TSPEAR: variants seen among roughly 807,000 people sequenced by gnomAD.
TSPEAR encodes the protein thrombospondin type laminin G domain and EAR repeats, also known as thrombospondin-type laminin G domain and EAR repeat-containing protein.
A neutral mutation model predicts 71.6 loss-of-function variants in TSPEAR; 69 were observed. The observed-to-expected ratio is 0.96, with a 90% confidence interval of 0.79 to 1.18. The LOEUF (loss-of-function observed/expected upper bound fraction) is 1.18. Ranked by LOEUF, TSPEAR falls within the 50% of genes most tolerant of loss-of-function variation. TSPEAR has a pLI of 0.00. For synonymous variants in TSPEAR, 402 were observed against 387.2 expected (o/e 1.04, Z -0.45); for missense variants, 971 against 894.9 (o/e 1.09, Z -1.09).
At position 44,513,375 on chromosome 21, in the gene TSPEAR, A is replaced by C. The variant is rs781988745; in HGVS notation, c.1567-3989T>G. Among the ~76,000 whole-genome samples, 6 of 152,214 alleles carry C rather than the reference A, an allele frequency of 3.9e-5. No homozygotes were observed. The East Asian group carries it at 7.7e-4, about 20-fold the overall frequency. On this transcript the variant is annotated intron_variant, in intron 9 of 11. Transcript: ENST00000323084. ...GTGTGCAGTGTGGGACCCCCCTGTCAGGCCACTCCCAGATTTTAAGCACAT... is the reference window on the plus strand; with the variant it reads ...GTGTGCAGTGTGGGACCCCCCTGTCCGGCCACTCCCAGATTTTAAGCACAT...
intron 1 of TSPEAR, among the ~76,000 whole-genome samples, chr21:44,656,037 G>A (rs1555942516): frequency 2.6e-5 from 4 of 152,124 alleles, no homozygotes; most frequent in Non-Finnish European, 4.4e-5. Context: ...TGGCCATGTG[G>A]GAGTCACCTT....
In TSPEAR at chr21:44,711,217, G is replaced by A. The variant is rs1213177827; in HGVS notation, c.82+216C>T. 5.3e-5 allele frequency among the ~76,000 whole-genome samples: 8 copies of A among 151,732 alleles called. No individual in the cohort carries two copies. Among genetic ancestry groups the A allele is most frequent in the South Asian group, 2.1e-4 (1 of 4,804 alleles). The stretch of plus-strand genomic sequence containing the variant: ...CCCTGCGTGCGTTCTAAAGAGCCGC[G>A]TTTCTATTGCAACTGCCTGCCCTGC... On this transcript the variant is annotated intron_variant, in intron 1 of 11. Coordinates refer to ENST00000323084, the MANE Select transcript of TSPEAR (RefSeq NM_144991.3). This position sits in a 1 kb window ranked among gnomAD's most constrained non-coding sequence, Gnocchi z 4.5.
chr21:44,524,912 TAGTC>T (rs587680245), intron 8 of TSPEAR, among the ~76,000 whole-genome samples: 123 of 151,170 alleles, frequency 8.1e-4, no homozygotes, highest in African/African-American at 2.9e-3. Flanking sequence ...GTCAGTCAGA[TAGTC>T]AGGTAGTTAG....
chr21:44,548,627 A>T (rs1357312718), intron 2 of TSPEAR, among the ~76,000 whole-genome samples: 1 of 152,168 alleles, frequency 6.6e-6, no homozygotes, highest in Non-Finnish European at 1.5e-5. Context: ...GACTCCTAGA[A>T]ATACAACTGC....
chr21:44,551,109 G>C, intron 2 of TSPEAR: 1 of 1,546,030 alleles, frequency 6.5e-7, no homozygotes, highest in Non-Finnish European at 8.9e-7. Context: ...GCATGAAGAA[G>C]CCCCACAGCA....
intron 1 of TSPEAR, chr21:44,579,837 GGTA>G: frequency 6.2e-7 from 1 of 1,610,074 alleles, no homozygotes; most frequent in East Asian, 2.3e-5. Context: ...CAGCTGGCCT[GGTA>G]GGAGGAGGCA....
At position 44,710,633 on chromosome 21, in the gene TSPEAR, G is replaced by A. The variant is rs73234886; in HGVS notation, c.82+800C>T. 0.086 allele frequency among the ~76,000 whole-genome samples: 13,043 copies of A among 152,262 alleles called. 835 individuals are homozygous for A. Among genetic ancestry groups the A allele is most frequent in the East Asian group, 0.27 (1,379 of 5,176 alleles). On this transcript the variant is annotated intron_variant, in intron 1 of 11. Transcript: ENST00000323084. The surrounding 1 kb of genome is among the most constrained non-coding windows in gnomAD (Gnocchi z 4.6). Reference sequence around the variant, plus strand: ...CATCTCCTCGCCTCCCCTGATAGCCGTGCTGCGGAGCCTGAGTGCTGGAGT... The same window carrying A: ...CATCTCCTCGCCTCCCCTGATAGCCATGCTGCGGAGCCTGAGTGCTGGAGT...
At chr21:44,624,504 C>T (rs1047106963) in intron 1 of TSPEAR, among the ~76,000 whole-genome samples, 2 of 152,212 alleles carry the variant, frequency 1.3e-5, no homozygotes, top group Non-Finnish European at 2.9e-5. Context: ...TCTGTTGATG[C>T]TGCTGTCTCC....
chr21:44,578,252 T>C (rs1458069574), intron 1 of TSPEAR, among the ~76,000 whole-genome samples: 1 of 151,964 alleles, frequency 6.6e-6, no homozygotes, highest in East Asian at 1.9e-4. Flanking sequence ...AAACAAATAA[T>C]GCAAACAACT....
intron 1 of TSPEAR, among the ~76,000 whole-genome samples, chr21:44,708,805 A>G (rs530577867): frequency 1.3e-4 from 20 of 152,216 alleles, no homozygotes; most frequent in African/African-American, 4.1e-4. Context: ...TGCTCCGGGC[A>G]GAGCTGCAGT....
At chr21:44,651,054 G>C (rs587726176) in intron 1 of TSPEAR, among the ~76,000 whole-genome samples, 1 of 151,622 alleles carries the variant, frequency 6.6e-6, no homozygotes, top group South Asian at 2.1e-4. Flanking sequence ...CCTGGGGAGA[G>C]GACAGGTCTT....
chr21:44,538,002 G>T (rs781822918), intron 2 of TSPEAR, among the ~76,000 whole-genome samples: 1 of 152,198 alleles, frequency 6.6e-6, no homozygotes, highest in Non-Finnish European at 1.5e-5. Context: ...CAGCAACCAC[G>T]CAGACCCCGC....
At chr21:44,621,843 T>TGACAAATATAGACAGTTGTGTCTC (rs1982457320) in intron 1 of TSPEAR, among the ~76,000 whole-genome samples, 2 of 151,548 alleles carry the variant, frequency 1.3e-5, no homozygotes, top group African/African-American at 4.9e-5. Context: ...TTCGGTGTCT[T>TGACAAATATAGACAGTTGTGTCTC]GACAAATATA....
chr21:44,581,996 T>C (rs1979008620), intron 1 of TSPEAR, among the ~76,000 whole-genome samples: 1 of 152,258 alleles, frequency 6.6e-6, no homozygotes, highest in Non-Finnish European at 1.5e-5. Context: ...ATTTTGATTT[T>C]ATTTTTTATA....
At chr21:44,572,192 C>T (rs974549233) in intron 1 of TSPEAR, among the ~76,000 whole-genome samples, 4 of 152,218 alleles carry the variant, frequency 2.6e-5, no homozygotes, top group African/African-American at 4.8e-5. Flanking sequence ...AACACCCAAC[C>T]GGTCAAGGTC....
At chr21:44,678,091 C>A in intron 1 of TSPEAR, 2 of 652,288 alleles carry the variant, frequency 3.1e-6, no homozygotes, top group Admixed American at 4.6e-5. Context: ...CAGTATCTGT[C>A]GAGCGGACGG....
At chr21:44,580,843 G>A (rs782796013) in intron 1 of TSPEAR, among the ~76,000 whole-genome samples, 4 of 152,100 alleles carry the variant, frequency 2.6e-5, no homozygotes, top group Non-Finnish European at 4.4e-5. Context: ...TTGCAGGGCC[G>A]TGTTTCTTCA....
rs2053019077 is a variant in TSPEAR at position 44,533,555 on chromosome 21, C to A, written c.542+130G>T. 1.0e-5 allele frequency: 8 copies of A among 781,564 alleles called. No homozygotes were observed. The East Asian group carries it at 2.1e-4, about 21-fold the overall frequency. 48.4% of individuals were successfully genotyped at this position (781,564 alleles called of 1,614,324 possible). On this transcript the variant is annotated intron_variant, in intron 3 of 11. Transcript: ENST00000323084. ...TGGCTCCTGCCCCTCCACCCCATGG[C>A]TCCTGACCCTGGTCAGCTCCTGCCC...
intron 1 of TSPEAR, chr21:44,677,790 A>C (rs1396584090): frequency 2.3e-6 from 3 of 1,301,654 alleles, no homozygotes; most frequent in Non-Finnish European, 3.3e-6. Context: ...TTTCTTTGGC[A>C]ATGGAACATT....
Sources: gnomAD v4.1 joint callset for allele counts (sites outside exome capture counted in the v4.1 genomes callset) on GRCh38, gnomAD v4.1.1 for gene constraint, Gnocchi (gnomAD v3.1) non-coding constraint, MANE v1.5 for transcripts, NCBI Gene and HGNC (gene_info 2026-07-23, HGNC 2026-07-21) for gene names.